NAALADL2: variants seen among roughly 807,000 people sequenced by gnomAD.
NAALADL2 encodes inactive N-acetylated-alpha-linked acidic dipeptidase-like protein 2.
NAALADL2 carries 76 observed loss-of-function variants against 87.2 expected under a neutral mutation model. The observed-to-expected ratio is 0.87, with a 90% CI of 0.72 to 1.05. The LOEUF is 1.05. Ranked by LOEUF, NAALADL2 falls within the 50% of genes least tolerant of loss-of-function variation. NAALADL2 has a pLI of 0.00. For missense variants in NAALADL2, 1,089 were observed against 945.8 expected (o/e 1.15, Z -1.99); for synonymous variants, 354 against 331.0 (o/e 1.07, Z -0.75).
chr3:174,559,901 T>C (rs575895377), intron 2 of NAALADL2, among the ~76,000 whole-genome samples: 42 of 152,352 alleles, frequency 2.8e-4, no homozygotes, highest in Non-Finnish European at 5.7e-4. Flanking sequence ...TACCTTGTAA[T>C]GCATTGTACA....
intron 9 of NAALADL2, among the ~76,000 whole-genome samples, chr3:175,532,160 G>C (rs62287122): frequency 0.087 from 13,224 of 152,122 alleles, 651 homozygotes; most frequent in South Asian, 0.11. Flanking sequence ...AGTCACACCT[G>C]AGCTAAAACT....
At chr3:175,488,508 TTAAA>T (rs1727625637) in intron 9 of NAALADL2, among the ~76,000 whole-genome samples, 1 of 152,262 alleles carries the variant, frequency 6.6e-6, no homozygotes, top group Non-Finnish European at 1.5e-5. Flanking sequence ...AAAACATTCA[TTAAA>T]TGTGATTTTT....
At chr3:174,739,567 G>C (rs1733559070) in intron 3 of NAALADL2, among the ~76,000 whole-genome samples, 1 of 152,032 alleles carries the variant, frequency 6.6e-6, no homozygotes, top group Non-Finnish European at 1.5e-5. Context: ...ATCATTTTGA[G>C]AACTGAGTAT....
At chr3:175,291,764 A>G (rs1198270450) in intron 4 of NAALADL2, among the ~76,000 whole-genome samples, 1 of 152,170 alleles carries the variant, frequency 6.6e-6, no homozygotes, top group Non-Finnish European at 1.5e-5. Context: ...TGAAGAGAGG[A>G]GAGTTTCCAC....
rs552680293 is a variant in NAALADL2, at chr3:175,136,905, T to C, written c.545+39614T>C. Among the ~76,000 whole-genome samples, 291 of 152,310 alleles carry C rather than the reference T, an allele frequency of 1.9e-3. 1 individual carries two copies. Among genetic ancestry groups the C allele is most frequent in the African/African-American group, 5.6e-3 (231 of 41,576 alleles). On this transcript the variant is annotated intron_variant, in intron 2 of 13. Coordinates refer to ENST00000454872, the MANE Select transcript of NAALADL2 (RefSeq NM_207015.3). ...AAGGCTTTGGTTTTAAAAATAACTC[T>C]TGGCAAGCTAATATTCTTTTGGGAA...
intron 11 of NAALADL2, among the ~76,000 whole-genome samples, chr3:175,732,191 G>A (rs1743859218): frequency 6.6e-6 from 1 of 152,116 alleles, no homozygotes; most frequent in African/African-American, 2.4e-5. Context: ...CTCTCTGAAG[G>A]TTTGCTGAAA....
chr3:175,523,628 TG>T (rs774745721), intron 9 of NAALADL2, among the ~76,000 whole-genome samples: 4 of 152,200 alleles, frequency 2.6e-5, no homozygotes, highest in Non-Finnish European at 5.9e-5. Flanking sequence ...AGCGTACACT[TG>T]GACAAGGGAG....
At chr3:175,439,429 T>C (rs1359115651) in intron 5 of NAALADL2, among the ~76,000 whole-genome samples, 2 of 152,082 alleles carry the variant, frequency 1.3e-5, no homozygotes, top group South Asian at 2.1e-4. Flanking sequence ...CTGTTTTCCA[T>C]AGTGGTTGTA....
chr3:175,787,557 G>A (rs904507429), intron 13 of NAALADL2, among the ~76,000 whole-genome samples: 16 of 152,218 alleles, frequency 1.1e-4, no homozygotes, highest in African/African-American at 1.9e-4. Context: ...GCAATGCCTC[G>A]CCCTGCTTCG....
chr3:175,539,053 T>G (rs1711809722), intron 9 of NAALADL2, among the ~76,000 whole-genome samples: 1 of 152,172 alleles, frequency 6.6e-6, no homozygotes, highest in Admixed American at 6.5e-5. Flanking sequence ...AACACAGCAT[T>G]TGAAGGCCAA....
intron 1 of NAALADL2, among the ~76,000 whole-genome samples, chr3:175,050,893 G>A (rs146900661): frequency 7.6e-4 from 115 of 152,098 alleles, no homozygotes; most frequent in African/African-American, 2.5e-3. Flanking sequence ...GTCATGTATC[G>A]ATAAGATGAA....
rs1460365382 is a variant in NAALADL2, at chr3:175,449,422, G to A, written c.1234+2050G>A. Reference sequence around the variant, plus strand: ...TTTTTTTTTTTTTTTTTGAGACAGAGTCTCGCTCTGTCTCCCAGACTGCAG... The same window carrying A: ...TTTTTTTTTTTTTTTTTGAGACAGAATCTCGCTCTGTCTCCCAGACTGCAG... On this transcript the variant is annotated intron_variant, in intron 6 of 13. Coordinates refer to ENST00000454872, the MANE Select transcript of NAALADL2 (RefSeq NM_207015.3). Among the ~76,000 whole-genome samples, 12 of 130,022 alleles carry A rather than the reference G, an allele frequency of 9.2e-5. 1 individual carries two copies. The highest frequency in any genetic ancestry group is 2.8e-4 in the African/African-American group (10 of 35,354). The allele number at this position is 130,022 out of a possible 152,430, so 85.3% of individuals were successfully genotyped here.
At chr3:174,591,455 T>A (rs778097863) in intron 2 of NAALADL2, among the ~76,000 whole-genome samples, 5 of 152,156 alleles carry the variant, frequency 3.3e-5, no homozygotes, top group Non-Finnish European at 7.4e-5. Context: ...TCAGAGGGCA[T>A]CTCTATTGAT....
At chr3:174,473,902 G>T (rs1717058006) in intron 1 of NAALADL2, among the ~76,000 whole-genome samples, 1 of 152,108 alleles carries the variant, frequency 6.6e-6, no homozygotes, top group African/African-American at 2.4e-5. Context: ...TCACAGTTCT[G>T]TGTGGCTGGG....
chr3:175,579,041 C>T (rs1340180859), intron 10 of NAALADL2, among the ~76,000 whole-genome samples: 1 of 152,206 alleles, frequency 6.6e-6, no homozygotes, highest in Non-Finnish European at 1.5e-5. Context: ...TCTGCACTCA[C>T]TTTAGTAAAA....
chr3:175,202,887 C>G lies in NAALADL2; in HGVS notation c.546-31044C>G, dbSNP rs112044950. On this transcript the variant is annotated intron_variant, in intron 2 of 13. Coordinates refer to ENST00000454872, the MANE Select transcript of NAALADL2 (RefSeq NM_207015.3). ...GCCTCTGCAGAGTCATGCAGGTTGT[C>G]AGGGAAGTGGGGGAAGGGTGCCAGT... 9.4e-3 allele frequency among the ~76,000 whole-genome samples: 1,437 copies of G among 152,078 alleles called. 8 individuals are homozygous for G. The highest frequency in any genetic ancestry group is 0.027 in the Middle Eastern group (8 of 294).
intron 3 of NAALADL2, among the ~76,000 whole-genome samples, chr3:174,797,813 A>T (rs1718321186): frequency 6.6e-6 from 1 of 152,100 alleles, no homozygotes; most frequent in Admixed American, 6.6e-5. Context: ...TTCTTATTTT[A>T]TGGGTTATGT....
chr3:174,975,704 A>T (rs187878784), intron 1 of NAALADL2, among the ~76,000 whole-genome samples: 1 of 152,278 alleles, frequency 6.6e-6, no homozygotes, highest in Admixed American at 6.5e-5. Context: ...CTGTCCTGGA[A>T]GAACACGTTC....
chr3:175,614,686 T>C (rs1050627450), intron 10 of NAALADL2, among the ~76,000 whole-genome samples: 2 of 152,196 alleles, frequency 1.3e-5, no homozygotes, highest in African/African-American at 4.8e-5. Flanking sequence ...CTATTTATTA[T>C]TGAAGGAGAA....
Sources: allele counts gnomAD v4.1 joint callset (sites outside exome capture counted in the v4.1 genomes callset), GRCh38; gene constraint gnomAD v4.1.1; transcripts MANE v1.5; gene names NCBI Gene and HGNC (gene_info 2026-07-23, HGNC 2026-07-21).